The following CHST11 variants were observed in gnomAD, a reference collection of about 807,000 sequenced individuals.
The protein encoded by CHST11 is carbohydrate sulfotransferase 11, also known as C4S-1.
In CHST11, 9 loss-of-function variants were observed where a neutral mutation model predicts 30.4. The ratio of observed to expected loss-of-function variants is 0.30; its 90% CI spans 0.18 to 0.52. The LOEUF (loss-of-function observed/expected upper bound fraction) is 0.52, where lower values mean the gene tolerates loss of function less well. Ranked by LOEUF, CHST11 falls within the 20% of genes least tolerant of loss-of-function variation. The pLI, the probability that CHST11 is intolerant of heterozygous loss-of-function variation, is 0.97. For synonymous variants in CHST11, 152 were observed against 187.8 expected (o/e 0.81, Z 1.56); for missense variants, 348 against 460.6 (o/e 0.76, Z 2.24).
At chr12:104,689,134 A>G (rs1472660733) in intron 2 of CHST11, among the ~76,000 whole-genome samples, 2 of 152,240 alleles carry the variant, frequency 1.3e-5, no homozygotes. Flanking sequence ...GATGTTCTTC[A>G]TTCTTTTGTG....
At chr12:104,500,292 G>A (rs190878556) in intron 1 of CHST11, among the ~76,000 whole-genome samples, 315 of 152,268 alleles carry the variant, frequency 2.1e-3, no homozygotes, top group Admixed American at 0.018. Context: ...TGGTGCTTGC[G>A]AAGGGTTTAG....
At chr12:104,461,081 C>G (rs2037403502) in intron 1 of CHST11, among the ~76,000 whole-genome samples, 1 of 152,200 alleles carries the variant, frequency 6.6e-6, no homozygotes, top group Non-Finnish European at 1.5e-5. Context: ...CCAAGAATGC[C>G]TGGTCAATAA....
At chr12:104,561,182 C>T (rs1209906605) in intron 1 of CHST11, among the ~76,000 whole-genome samples, 1 of 80,030 alleles carries the variant, frequency 1.2e-5, no homozygotes, top group Non-Finnish European at 2.4e-5. Flanking sequence ...AACCAGATAG[C>T]AATGGCTTTC....
At chr12:104,481,845 G>T in intron 1 of CHST11, among the ~76,000 whole-genome samples, 5 of 84,198 alleles carry the variant, frequency 5.9e-5, no homozygotes, top group South Asian at 3.7e-4. Flanking sequence ...CCTTTCTCTT[G>T]CATTTTTTTT....
chr12:104,559,755 A>C (rs1406076173), intron 1 of CHST11, among the ~76,000 whole-genome samples: 1 of 151,580 alleles, frequency 6.6e-6, no homozygotes, highest in Non-Finnish European at 1.5e-5. Context: ...AAAAAATAAA[A>C]TAAATAAAAT....
intron 1 of CHST11, among the ~76,000 whole-genome samples, chr12:104,482,067 T>G (rs1375968034): frequency 6.6e-6 from 1 of 152,064 alleles, no homozygotes; most frequent in East Asian, 1.9e-4. Context: ...GCCAGGCTGG[T>G]TTCAAACTCC....
At chr12:104,688,689 TAAC>T (rs2039870400) in intron 2 of CHST11, among the ~76,000 whole-genome samples, 1 of 152,226 alleles carries the variant, frequency 6.6e-6, no homozygotes, top group Non-Finnish European at 1.5e-5. Context: ...TTATTTCTAA[TAAC>T]AAAAAATTGG....
chr12:104,682,787 A>G (rs760392796), intron 2 of CHST11, among the ~76,000 whole-genome samples: 2 of 152,242 alleles, frequency 1.3e-5, no homozygotes, highest in South Asian at 4.1e-4. Flanking sequence ...ACCGATGTTC[A>G]ATCCCAGTGA....
At chr12:104,495,912 G>A (rs1249802754) in intron 1 of CHST11, among the ~76,000 whole-genome samples, 2 of 152,164 alleles carry the variant, frequency 1.3e-5, no homozygotes, top group African/African-American at 4.8e-5. Context: ...AGTTATAGAA[G>A]ATAATGACAT....
chr12:104,566,636 A>G (rs1390862522), intron 1 of CHST11, among the ~76,000 whole-genome samples: 1 of 152,182 alleles, frequency 6.6e-6, no homozygotes, highest in Non-Finnish European at 1.5e-5. Context: ...TCTTTGCAGC[A>G]GAGGGACTCC....
chr12:104,630,719 A>G (rs1449214075), intron 2 of CHST11, among the ~76,000 whole-genome samples: 1 of 152,238 alleles, frequency 6.6e-6, no homozygotes, highest in Admixed American at 6.5e-5. Flanking sequence ...AGTTCGTTTC[A>G]TGAAAACATC....
chr12:104,563,284 T>G (rs888421192), intron 1 of CHST11, among the ~76,000 whole-genome samples: 2 of 152,194 alleles, frequency 1.3e-5, no homozygotes, highest in Non-Finnish European at 2.9e-5. Flanking sequence ...GTGATCCGCC[T>G]GCCTCGGCCT....
At chr12:104,738,159 C>T (rs2040316527) in intron 2 of CHST11, among the ~76,000 whole-genome samples, 1 of 152,150 alleles carries the variant, frequency 6.6e-6, no homozygotes, top group African/African-American at 2.4e-5. Flanking sequence ...CTGCAGCCTT[C>T]CCAGACCCCG....
chr12:104,578,265 T>C (rs1028352931), intron 1 of CHST11, among the ~76,000 whole-genome samples: 10 of 152,218 alleles, frequency 6.6e-5, no homozygotes, highest in African/African-American at 2.2e-4. Context: ...GACTTGCCAC[T>C]GCTCGGATCT....
At chr12:104,564,110 C>T (rs2038538829) in intron 1 of CHST11, among the ~76,000 whole-genome samples, 1 of 152,152 alleles carries the variant, frequency 6.6e-6, no homozygotes, top group African/African-American at 2.4e-5. Flanking sequence ...TAGTCTTCCC[C>T]TTTTCTGCAG....
intron 1 of CHST11, among the ~76,000 whole-genome samples, chr12:104,497,146 G>A (rs769920219): frequency 5.3e-5 from 8 of 152,174 alleles, no homozygotes; most frequent in Non-Finnish European, 1.0e-4. Flanking sequence ...GCTTAATTTT[G>A]TTCCCCTAAA....
chr12:104,532,038 C>T (rs954780340), intron 1 of CHST11, among the ~76,000 whole-genome samples: 5 of 152,234 alleles, frequency 3.3e-5, no homozygotes, highest in Non-Finnish European at 5.9e-5. Flanking sequence ...CAGCTGCACT[C>T]CAAAACTGGT....
rs75891929 is a variant in CHST11 at position 104,637,921 on chromosome 12, T to C, written c.204+35930T>C. ...AGCTCCCGGCACTTCTCTTTCTGTG[T>C]CTGGGTCCTGCCAGGCTGGAACCTC... On this transcript the variant is annotated intron_variant, in intron 2 of 2. Coordinates refer to ENST00000303694, the MANE Select transcript of CHST11 (RefSeq NM_018413.6). 4.4e-3 allele frequency among the ~76,000 whole-genome samples: 663 copies of C among 152,254 alleles called. 1 individual carries two copies. The highest frequency in any genetic ancestry group is 5.9e-3 in the Non-Finnish European group (404 of 68,004).
chr12:104,550,200 G>T (rs1392252617), intron 1 of CHST11, among the ~76,000 whole-genome samples: 1 of 152,164 alleles, frequency 6.6e-6, no homozygotes, highest in African/African-American at 2.4e-5. Context: ...CCCAGTGCAG[G>T]AGTAGCTTGG....
Sources: allele counts gnomAD v4.1 joint callset (sites outside exome capture counted in the v4.1 genomes callset), GRCh38; gene constraint gnomAD v4.1.1; transcripts MANE v1.5; gene names NCBI Gene and HGNC (gene_info 2026-07-23, HGNC 2026-07-21).